The following TMEM108 variants were observed in gnomAD, a reference collection of about 807,000 sequenced individuals.
TMEM108 encodes cancer/testis antigen 124.
In TMEM108, 12 loss-of-function variants were observed where a neutral mutation model predicts 35.1. That is an observed-to-expected ratio of 0.34 (90% CI 0.22 to 0.55). The LOEUF is 0.55. TMEM108 is among the 20% of genes least tolerant of loss of function. The probability of loss-of-function intolerance (pLI) is 0.89; values close to 1 mark genes in which losing one functional copy is unlikely to be tolerated. For synonymous variants in TMEM108, 287 were observed against 308.6 expected, an observed-to-expected ratio of 0.93 and a Z score of 0.73; for missense variants, 680 against 753.3, an observed-to-expected ratio of 0.90 and a Z score of 1.14.
At chr3:133,339,143 C>G (rs919902580) in intron 3 of TMEM108, among the ~76,000 whole-genome samples, 2 of 151,606 alleles carry the variant, frequency 1.3e-5, no homozygotes, top group African/African-American at 4.8e-5. Flanking sequence ...GGACTAAACT[C>G]TCCAATCAAG....
intron 2 of TMEM108, among the ~76,000 whole-genome samples, chr3:133,202,242 T>A (rs1236547093): frequency 2.6e-5 from 4 of 152,196 alleles, no homozygotes; most frequent in African/African-American, 9.7e-5. Context: ...ATTCTGTAGG[T>A]TGCCTGTTCA....
intron 2 of TMEM108, among the ~76,000 whole-genome samples, chr3:133,151,685 T>C (rs1944803780): frequency 6.6e-6 from 1 of 152,198 alleles, no homozygotes; most frequent in African/African-American, 2.4e-5. Context: ...TATAACCTAA[T>C]TTAATGAAGT....
At chr3:133,173,572 A>G (rs1428942936) in intron 2 of TMEM108, among the ~76,000 whole-genome samples, 2 of 152,266 alleles carry the variant, frequency 1.3e-5, no homozygotes, top group Non-Finnish European at 2.9e-5. Flanking sequence ...TATTCCTTCC[A>G]TTGTCCACAT....
chr3:133,112,626 A>T lies in TMEM108; in HGVS notation c.-47+66606A>T, dbSNP rs369603258. 4.1e-3 allele frequency among the ~76,000 whole-genome samples: 628 copies of T among 152,298 alleles called. 6 individuals are homozygous for T. The highest frequency in any genetic ancestry group is 0.02 in the South Asian group (97 of 4,800). ...CCCTATTCACACATGGTGATTGGTCAGACAATATTAATGTACTTAGGGGCC... is the reference window on the plus strand; with the variant it reads ...CCCTATTCACACATGGTGATTGGTCTGACAATATTAATGTACTTAGGGGCC... On this transcript the variant is annotated intron_variant, in intron 2 of 5. Transcript: ENST00000321871.
At chr3:133,296,700 C>T (rs912626042) in intron 3 of TMEM108, among the ~76,000 whole-genome samples, 9 of 152,056 alleles carry the variant, frequency 5.9e-5, no homozygotes, top group Middle Eastern at 3.2e-3. Context: ...TAGAGTAGGA[C>T]AGGGGGGACT....
At chr3:133,179,259 A>G (rs62280325) in intron 2 of TMEM108, among the ~76,000 whole-genome samples, 6 of 152,126 alleles carry the variant, frequency 3.9e-5, no homozygotes, top group Middle Eastern at 3.4e-3. Context: ...GATTCCTCAG[A>G]GATCTAGAAC....
At chr3:133,260,280 A>T (rs1283393459) in intron 3 of TMEM108, among the ~76,000 whole-genome samples, 1 of 45,134 alleles carries the variant, frequency 2.2e-5, no homozygotes, top group Non-Finnish European at 4.8e-5. Context: ...GGGAATCTAG[A>T]CAATAGTAAA....
chr3:133,283,005 A>G (rs1576431253), intron 3 of TMEM108, among the ~76,000 whole-genome samples: 1 of 152,198 alleles, frequency 6.6e-6, no homozygotes, highest in Non-Finnish European at 1.5e-5. Context: ...TGTGTAAACA[A>G]GAAAACTCAG....
intron 3 of TMEM108, among the ~76,000 whole-genome samples, chr3:133,281,655 G>T (rs7651300): frequency 0.024 from 3,726 of 152,296 alleles, 138 homozygotes; most frequent in African/African-American, 0.084. Flanking sequence ...ACAGTGAGCA[G>T]CGGAGGGCTG....
At chr3:133,166,557 T>C (rs1038658668) in intron 2 of TMEM108, among the ~76,000 whole-genome samples, 1 of 152,186 alleles carries the variant, frequency 6.6e-6, no homozygotes, top group African/African-American at 2.4e-5. Context: ...GTGGTGTCAT[T>C]GGCTTCAGGA....
intron 2 of TMEM108, among the ~76,000 whole-genome samples, chr3:133,225,379 ATCTT>A (rs1409166264): frequency 2.6e-5 from 4 of 152,114 alleles, no homozygotes; most frequent in Non-Finnish European, 4.4e-5. Context: ...AGAGCACTTT[ATCTT>A]TCTTTTTCTT....
chr3:133,275,609 G>A (rs914613519), intron 3 of TMEM108, among the ~76,000 whole-genome samples: 3 of 152,134 alleles, frequency 2.0e-5, no homozygotes, highest in Admixed American at 1.3e-4. Context: ...CTTGAGGTTA[G>A]ATGGATAATT....
intron 3 of TMEM108, among the ~76,000 whole-genome samples, chr3:133,289,057 T>A (rs191048507): frequency 6.6e-6 from 1 of 152,246 alleles, no homozygotes; most frequent in African/African-American, 2.4e-5. Flanking sequence ...TAGTAATTTT[T>A]ACATATTTTA....
At chr3:133,145,419 T>C (rs1026894846) in intron 2 of TMEM108, among the ~76,000 whole-genome samples, 2 of 152,202 alleles carry the variant, frequency 1.3e-5, no homozygotes, top group African/African-American at 4.8e-5. Flanking sequence ...TTTATTGTTT[T>C]TGCTTAGGAT....
intron 3 of TMEM108, among the ~76,000 whole-genome samples, chr3:133,317,588 G>T (rs997262852): frequency 1.4e-5 from 2 of 141,002 alleles, no homozygotes; most frequent in Non-Finnish European, 3.2e-5. Context: ...GAATAGAAAT[G>T]TGATGAGCAT....
chr3:133,049,717 A>G (rs762378492), intron 2 of TMEM108, among the ~76,000 whole-genome samples: 2 of 151,996 alleles, frequency 1.3e-5, no homozygotes, highest in Non-Finnish European at 2.9e-5. Flanking sequence ...GTCTTTTTCC[A>G]TTTGGTCTCT....
intron 2 of TMEM108, among the ~76,000 whole-genome samples, chr3:133,130,362 C>T (rs1944474578): frequency 6.6e-6 from 1 of 152,194 alleles, no homozygotes; most frequent in Non-Finnish European, 1.5e-5. Flanking sequence ...CATCTCTGCT[C>T]GCCTCAGCAT....
intron 2 of TMEM108, among the ~76,000 whole-genome samples, chr3:133,059,242 AAC>A (rs1943508600): frequency 6.6e-6 from 1 of 152,210 alleles, no homozygotes; most frequent in Admixed American, 6.5e-5. Context: ...ATTTTGGGGG[AAC>A]ACAAACATTC....
intron 1 of TMEM108, among the ~76,000 whole-genome samples, chr3:133,040,080 C>T (rs1296127116): frequency 2.6e-5 from 4 of 152,030 alleles, no homozygotes; most frequent in Non-Finnish European, 5.9e-5. Context: ...CTGCAAAGCT[C>T]ATTTAGAATA....
Sources: allele counts gnomAD v4.1 joint callset (sites outside exome capture counted in the v4.1 genomes callset), GRCh38; gene constraint gnomAD v4.1.1; transcripts MANE v1.5; gene names NCBI Gene and HGNC (gene_info 2026-07-23, HGNC 2026-07-21).